The following PLCB1 variants were observed in gnomAD, a reference collection of about 807,000 sequenced individuals.
PLCB1 encodes the protein phospholipase C beta 1.
Under a neutral mutation model 161.8 loss-of-function variants are expected in PLCB1, and 46 were observed. That is an observed-to-expected ratio of 0.28 (90% confidence interval 0.22 to 0.36). The LOEUF (loss-of-function observed/expected upper bound fraction) is 0.36. PLCB1 is among the 10% of genes least tolerant of loss of function. The probability of loss-of-function intolerance (pLI) is 1.00; values close to 1 mark genes in which losing one functional copy is unlikely to be tolerated. For missense variants in PLCB1, 1,016 were observed against 1,472.5 expected, an observed-to-expected ratio of 0.69 and a Z score of 5.07; for synonymous variants, 517 against 503.7, an observed-to-expected ratio of 1.03 and a Z score of -0.35.
chr20:8,242,453 T>C (rs548874944), intron 2 of PLCB1, among the ~76,000 whole-genome samples: 2 of 151,864 alleles, frequency 1.3e-5, no homozygotes, highest in Admixed American at 1.3e-4. Context: ...AAGTGAGGGG[T>C]CAATGTGGTC....
Position 8,595,258 on chromosome 20 carries a change from A to C in PLCB1, c.247-33036A>C, listed in dbSNP as rs1236138872. On this transcript the variant is annotated intron_variant, in intron 3 of 31. Coordinates refer to ENST00000338037, the MANE Select transcript of PLCB1 (RefSeq NM_015192.4). Reference sequence around the variant, plus strand: ...AGTGCTATCCCTCCCCCCTCCCCCCACCCCACAACAGTCCCCAGAGTGTGA... The same window carrying C: ...AGTGCTATCCCTCCCCCCTCCCCCCCCCCCACAACAGTCCCCAGAGTGTGA... Among the ~76,000 whole-genome samples the C allele has an allele frequency of 5.8e-3, 444 of 76,022 alleles. 4 individuals are homozygous for C. Among genetic ancestry groups the C allele is most frequent in the African/African-American group, 0.016 (361 of 22,394 alleles). 49.9% of individuals were successfully genotyped at this position (76,022 alleles called of 152,430 possible). A position where few individuals can be genotyped will look rare whatever the true frequency, so the allele number is the denominator to read the frequency against.
chr20:8,463,480 T>C (rs957915004), intron 3 of PLCB1, among the ~76,000 whole-genome samples: 3 of 152,142 alleles, frequency 2.0e-5, no homozygotes, highest in African/African-American at 7.2e-5. Context: ...AAAAAAAGAA[T>C]CATACTGAAC....
intron 2 of PLCB1, among the ~76,000 whole-genome samples, chr20:8,188,715 T>C (rs1381115774): frequency 1.3e-5 from 2 of 152,150 alleles, no homozygotes; most frequent in Non-Finnish European, 2.9e-5. Flanking sequence ...TGAAGTGTAT[T>C]GCGACGTTTT....
At chr20:8,443,546 A>G (rs894450718) in intron 3 of PLCB1, among the ~76,000 whole-genome samples, 1 of 152,172 alleles carries the variant, frequency 6.6e-6, no homozygotes, top group African/African-American at 2.4e-5. Flanking sequence ...TCCATCTGCT[A>G]TCTTTTGGAT....
intron 2 of PLCB1, among the ~76,000 whole-genome samples, chr20:8,312,602 A>G (rs2122127492): frequency 6.6e-6 from 1 of 152,296 alleles, no homozygotes; most frequent in Middle Eastern, 3.4e-3. Flanking sequence ...CATGAGGCAG[A>G]ACCAAGAGGA....
chr20:8,224,682 A>G (rs1018557447), intron 2 of PLCB1, among the ~76,000 whole-genome samples: 2 of 152,120 alleles, frequency 1.3e-5, no homozygotes, highest in Non-Finnish European at 2.9e-5. Flanking sequence ...ATTCAAAATA[A>G]TTTTCACAAA....
intron 3 of PLCB1, among the ~76,000 whole-genome samples, chr20:8,387,834 C>T (rs1444872685): frequency 6.6e-6 from 1 of 151,796 alleles, no homozygotes; most frequent in Non-Finnish European, 1.5e-5. Context: ...TTAGTGGGTA[C>T]AGAGTTTTAG....
intron 31 of PLCB1, among the ~76,000 whole-genome samples, chr20:8,835,311 C>CT (rs1290530081): frequency 6.6e-6 from 1 of 152,220 alleles, no homozygotes; most frequent in East Asian, 1.9e-4. Context: ...TGGTAGCAGG[C>CT]TTGATAGACC....
At chr20:8,187,975 C>T (rs984901342) in intron 2 of PLCB1, among the ~76,000 whole-genome samples, 1 of 152,104 alleles carries the variant, frequency 6.6e-6, no homozygotes, top group African/African-American at 2.4e-5. Context: ...CACAGAATCT[C>T]TGTGGCATGT....
chr20:8,282,380 C>T (rs1037498728), intron 2 of PLCB1, among the ~76,000 whole-genome samples: 1 of 152,122 alleles, frequency 6.6e-6, no homozygotes, highest in African/African-American at 2.4e-5. Context: ...GGCTAGGTCA[C>T]CTGTTGAGTA....
chr20:8,415,388 C>G (rs1444254632), intron 3 of PLCB1, among the ~76,000 whole-genome samples: 1 of 152,178 alleles, frequency 6.6e-6, no homozygotes, highest in Non-Finnish European at 1.5e-5. Flanking sequence ...AGTGTTCGAA[C>G]TAGAAAATGA....
intron 2 of PLCB1, among the ~76,000 whole-genome samples, chr20:8,281,307 C>T (rs1244318387): frequency 1.3e-5 from 2 of 151,806 alleles, no homozygotes; most frequent in African/African-American, 4.8e-5. Context: ...TGTAAAGAAA[C>T]ATCATGTAAG....
intron 1 of PLCB1, among the ~76,000 whole-genome samples, chr20:8,136,158 A>T (rs1226776873): frequency 1.3e-5 from 2 of 152,076 alleles, no homozygotes; most frequent in Non-Finnish European, 2.9e-5. Context: ...TCAAATTCAG[A>T]TCTTACTGTG....
intron 2 of PLCB1, among the ~76,000 whole-genome samples, chr20:8,316,407 C>T (rs1260061004): frequency 7.2e-5 from 11 of 152,196 alleles, no homozygotes; most frequent in South Asian, 2.1e-4. Flanking sequence ...CTGGAGAGAG[C>T]GATCTTGCCT....
chr20:8,465,174 T>G (rs918302795), intron 3 of PLCB1, among the ~76,000 whole-genome samples: 1 of 152,102 alleles, frequency 6.6e-6, no homozygotes, highest in Non-Finnish European at 1.5e-5. Flanking sequence ...CATGGAACTT[T>G]CTTTTAAGTG....
chr20:8,297,812 C>T (rs562395351), intron 2 of PLCB1, among the ~76,000 whole-genome samples: 58 of 152,106 alleles, frequency 3.8e-4, no homozygotes, highest in Non-Finnish European at 4.9e-4. Flanking sequence ...ATAATATGTG[C>T]AGCCCCTAGA....
intron 9 of PLCB1, among the ~76,000 whole-genome samples, chr20:8,673,612 C>G (rs767915112): frequency 6.6e-6 from 1 of 152,048 alleles, no homozygotes; most frequent in Non-Finnish European, 1.5e-5. Context: ...TGCATTTCTT[C>G]GATGTTTTCT....
In PLCB1 at chr20:8,409,433, T is replaced by A. The variant is rs908564504; in HGVS notation, c.246+37983T>A. Among the ~76,000 whole-genome samples the A allele has an allele frequency of 4.1e-5, 6 of 147,122 alleles. No individual in the cohort carries two copies. In the East Asian group the frequency reaches 1.0e-3, roughly 25 times the overall value. ...CGACAAGGATACTGCTCATATGGAA[T>A]GTATATTATTTTTATTATTATTATT... On this transcript the variant is annotated intron_variant, in intron 3 of 31. Transcript: ENST00000338037.
chr20:8,420,414 C>T (rs1409695450), intron 3 of PLCB1, among the ~76,000 whole-genome samples: 1 of 152,112 alleles, frequency 6.6e-6, no homozygotes, highest in African/African-American at 2.4e-5. Flanking sequence ...TCAAGGGGTA[C>T]GTGTACAGGT....
Sources: allele counts gnomAD v4.1 joint callset (sites outside exome capture counted in the v4.1 genomes callset), GRCh38; gene constraint gnomAD v4.1.1; transcripts MANE v1.5; gene names NCBI Gene and HGNC (gene_info 2026-07-23, HGNC 2026-07-21).